The following KHDRBS2 variants were observed in gnomAD, a reference collection of about 807,000 sequenced individuals.
KHDRBS2 encodes KH RNA binding domain containing, signal transduction associated 2, also known as KH domain-containing, RNA-binding, signal transduction-associated protein 2.
In KHDRBS2, 26 loss-of-function variants were observed where a neutral mutation model predicts 44.3. The ratio of observed to expected loss-of-function variants is 0.59; its 90% CI spans 0.43 to 0.81. The LOEUF (loss-of-function observed/expected upper bound fraction) is 0.81, where lower values mean the gene tolerates loss of function less well. Among genes scored for constraint, KHDRBS2 ranks in the 40% least tolerant of loss-of-function variants. The pLI is 0.00. For missense variants in KHDRBS2, 476 were observed against 433.1 expected, an observed-to-expected ratio of 1.10 and a Z score of -0.88; for synonymous variants, 194 against 151.1, an observed-to-expected ratio of 1.28 and a Z score of -2.08.
intron 4 of KHDRBS2, among the ~76,000 whole-genome samples, chr6:61,901,725 A>T (rs1804080456): frequency 6.6e-6 from 1 of 152,184 alleles, no homozygotes; most frequent in Non-Finnish European, 1.5e-5. Context: ...CGATTACTAC[A>T]AAATAACTTC....
At chr6:61,943,273 G>C (rs1812530136) in intron 4 of KHDRBS2, among the ~76,000 whole-genome samples, 1 of 151,886 alleles carries the variant, frequency 6.6e-6, no homozygotes, top group East Asian at 1.9e-4. Context: ...TACACCTGGA[G>C]GAAAACAAAC....
chr6:61,980,970 T>C (rs1773715937), intron 3 of KHDRBS2, among the ~76,000 whole-genome samples: 1 of 152,188 alleles, frequency 6.6e-6, no homozygotes, highest in Admixed American at 6.5e-5. Context: ...ACATGGGATG[T>C]ATGTTATACA....
intron 1 of KHDRBS2, among the ~76,000 whole-genome samples, chr6:62,194,850 T>G (rs1825355085): frequency 3.3e-5 from 5 of 152,016 alleles, no homozygotes; most frequent in Non-Finnish European, 7.4e-5. Context: ...ATTTTTAAAT[T>G]TACTACACAA....
chr6:61,683,013 A>G (rs1346119995), intron 8 of KHDRBS2, among the ~76,000 whole-genome samples: 3 of 151,846 alleles, frequency 2.0e-5, no homozygotes, highest in Non-Finnish European at 4.4e-5. Flanking sequence ...ATGGTTTTTA[A>G]CAAAAAGAAT....
chr6:61,777,921 A>G (rs1782348949), intron 6 of KHDRBS2, among the ~76,000 whole-genome samples: 1 of 151,932 alleles, frequency 6.6e-6, no homozygotes, highest in Non-Finnish European at 1.5e-5. Context: ...GTGTCACAGG[A>G]GTTTGTCGTA....
At chr6:61,801,111 C>T (rs1786184006) in intron 6 of KHDRBS2, among the ~76,000 whole-genome samples, 1 of 152,170 alleles carries the variant, frequency 6.6e-6, no homozygotes, top group Non-Finnish European at 1.5e-5. Context: ...ATATTTTGTA[C>T]ATTACACTAC....
intron 7 of KHDRBS2, among the ~76,000 whole-genome samples, chr6:61,708,783 G>T (rs1333420456): frequency 6.6e-6 from 1 of 151,526 alleles, no homozygotes; most frequent in Non-Finnish European, 1.5e-5. Flanking sequence ...TTTTGAGAAA[G>T]TCAAAGATGT....
the KHDRBS2 span, chr6:61,652,106 T>C: frequency 1.3e-5 from 2 of 152,102 alleles, no homozygotes. Context: ...GGCTCGTTTG[T>C]TTTTCCCTGT....
the KHDRBS2 span, among the ~76,000 whole-genome samples, chr6:61,562,271 G>A: frequency 2.0e-5 from 3 of 152,172 alleles, no homozygotes; most frequent in Non-Finnish European, 4.4e-5. Flanking sequence ...GCAAAATCAG[G>A]GAGGGAACTC....
In KHDRBS2 at chr6:61,872,428, G is replaced by A. The variant is rs1446765947; in HGVS notation, c.810+22207C>T. 4.6e-5 allele frequency among the ~76,000 whole-genome samples: 7 copies of A among 151,972 alleles called. No individual in the cohort carries two copies. The South Asian group carries it at 1.0e-3, about 23-fold the overall frequency. ...CATAAGAAAAATAAGAAATATTTCT[G>A]GATATGACATGAATATCCAAAATTT... On this transcript the variant is annotated intron_variant, in intron 6 of 8. Transcript: ENST00000281156.
At chr6:62,064,235 C>T (rs911112953) in intron 2 of KHDRBS2, among the ~76,000 whole-genome samples, 4 of 144,132 alleles carry the variant, frequency 2.8e-5, no homozygotes, top group Non-Finnish European at 4.6e-5. Context: ...AATGCCATCC[C>T]CATCAAGCTA....
At chr6:61,850,937 G>A (rs1795319725) in intron 6 of KHDRBS2, among the ~76,000 whole-genome samples, 1 of 152,074 alleles carries the variant, frequency 6.6e-6, no homozygotes, top group Admixed American at 6.6e-5. Context: ...TTCTAGTTGG[G>A]AGAAAGTTGC....
chr6:61,876,662 A>C (rs1250880498), intron 6 of KHDRBS2, among the ~76,000 whole-genome samples: 1 of 152,074 alleles, frequency 6.6e-6, no homozygotes, highest in African/African-American at 2.4e-5. Context: ...AATGTGCTGC[A>C]TCACTTATGT....
intron 4 of KHDRBS2, among the ~76,000 whole-genome samples, chr6:61,918,048 G>A (rs546577543): frequency 3.9e-5 from 6 of 151,916 alleles, no homozygotes; most frequent in East Asian, 1.9e-4. Context: ...ATGGCGCATC[G>A]GCGAATGATG....
chr6:61,551,064 A>G, the KHDRBS2 span, among the ~76,000 whole-genome samples: 4 of 151,986 alleles, frequency 2.6e-5, no homozygotes, highest in African/African-American at 9.7e-5. Flanking sequence ...GTGAGTCACC[A>G]TGCCCATCCA....
chr6:61,785,178 CAAA>C (rs988815240), intron 6 of KHDRBS2, among the ~76,000 whole-genome samples: 34 of 148,350 alleles, frequency 2.3e-4, no homozygotes, highest in African/African-American at 4.0e-4. Context: ...ACAACAACAA[CAAA>C]AAAAAACAGA....
chr6:61,815,836 A>G (rs192895303), intron 6 of KHDRBS2, among the ~76,000 whole-genome samples: 18 of 152,336 alleles, frequency 1.2e-4, no homozygotes, highest in Admixed American at 1.0e-3. Flanking sequence ...ATAATACCAT[A>G]TGTTGATAAT....
intron 2 of KHDRBS2, among the ~76,000 whole-genome samples, chr6:62,096,448 G>T (rs1201669496): frequency 6.6e-6 from 1 of 151,594 alleles, no homozygotes; most frequent in Non-Finnish European, 1.5e-5. Flanking sequence ...ATTCAATCTT[G>T]GTCAGCTCTA....
chr6:61,568,504 G>A, the KHDRBS2 span, among the ~76,000 whole-genome samples: 1 of 152,104 alleles, frequency 6.6e-6, no homozygotes, highest in East Asian at 1.9e-4. Context: ...ACCACAGTAG[G>A]AACATACCAA....
Sources: allele counts gnomAD v4.1 joint callset (sites outside exome capture counted in the v4.1 genomes callset), GRCh38; gene constraint gnomAD v4.1.1; transcripts MANE v1.5; gene names NCBI Gene and HGNC (gene_info 2026-07-23, HGNC 2026-07-21).